Variants in ARHGAP15 observed in about 807,000 individuals in gnomAD.
ARHGAP15 encodes Rho GTPase activating protein 15, also known as rho GTPase-activating protein 15.
Under a neutral mutation model 63.7 loss-of-function variants are expected in ARHGAP15, and 51 were observed. The ratio of observed to expected loss-of-function variants is 0.80; its 90% CI spans 0.64 to 1.01. ARHGAP15 has a LOEUF of 1.01. Among genes scored for constraint, ARHGAP15 ranks in the 50% least tolerant of loss-of-function variants. ARHGAP15 has a pLI of 0.00. For missense variants in ARHGAP15, 560 were observed against 564.6 expected (o/e 0.99, Z 0.08); for synonymous variants, 191 against 193.8 (o/e 0.99, Z 0.12).
chr2:143,733,218 C>A (rs1241245642), intron 13 of ARHGAP15, among the ~76,000 whole-genome samples: 1 of 152,182 alleles, frequency 6.6e-6, no homozygotes, highest in South Asian at 2.1e-4. Context: ...GTCATTGTGC[C>A]CTCTGCTCCA....
At chr2:143,417,757 T>C (rs1297358363) in intron 6 of ARHGAP15, among the ~76,000 whole-genome samples, 1 of 152,254 alleles carries the variant, frequency 6.6e-6, no homozygotes, top group African/African-American at 2.4e-5. Context: ...CTCAAAGTTA[T>C]AGGCTTTCAT....
intron 5 of ARHGAP15, among the ~76,000 whole-genome samples, chr2:143,232,997 A>C (rs1202535797): frequency 6.6e-6 from 1 of 152,186 alleles, no homozygotes; most frequent in Non-Finnish European, 1.5e-5. Context: ...TTATCAACAA[A>C]TAAAGCTAGT....
chr2:143,588,431 T>A (rs1697194720), intron 11 of ARHGAP15, among the ~76,000 whole-genome samples: 1 of 152,126 alleles, frequency 6.6e-6, no homozygotes. Flanking sequence ...TAGGTATACA[T>A]GTGCCATGGT....
intron 8 of ARHGAP15, among the ~76,000 whole-genome samples, chr2:143,458,527 G>A (rs1256287370): frequency 1.3e-5 from 2 of 152,098 alleles, no homozygotes; most frequent in Admixed American, 6.6e-5. Context: ...CTGAAGGGCC[G>A]GTGATCATGG....
chr2:143,360,933 C>T (rs1006343474), intron 6 of ARHGAP15, among the ~76,000 whole-genome samples: 1 of 152,126 alleles, frequency 6.6e-6, no homozygotes, highest in African/African-American at 2.4e-5. Flanking sequence ...AATTGGAACA[C>T]ATTTTGGCCA....
At chr2:143,621,381 G>A (rs1008291577) in intron 11 of ARHGAP15, among the ~76,000 whole-genome samples, 2 of 94,966 alleles carry the variant, frequency 2.1e-5, no homozygotes, top group African/African-American at 5.9e-5. Flanking sequence ...TAGGGTTATG[G>A]TTAGTTCATC....
chr2:143,413,966 T>TGTGTGTGTGTGCGCGCGCGC lies in ARHGAP15; in HGVS notation c.475-21634_475-21633insTGTGTGTGTGCGCGCGCGCG. 6.2e-3 allele frequency among the ~76,000 whole-genome samples: 733 copies of TGTGTGTGTGTGCGCGCGCGC among 117,876 alleles called. 9 individuals carry two copies. The highest frequency in any genetic ancestry group is 0.02 in the African/African-American group (570 of 28,216). The allele number at this position is 117,876 out of a possible 152,430, so 77.3% of individuals were successfully genotyped here. On this transcript the variant is annotated intron_variant, in intron 6 of 13. Coordinates refer to ENST00000295095, the MANE Select transcript of ARHGAP15 (RefSeq NM_018460.4). ...GTGTGTGTGTGTGTGTGTGTGTGTGTGCGCGCTCTCTGGCAGAAAGTTAAT... is the reference window on the plus strand; with the variant it reads ...GTGTGTGTGTGTGTGTGTGTGTGTGTGTGTGTGTGTGCGCGCGCGCGCGCGCTCTCTGGCAGAAAGTTAAT...
chr2:143,594,412 C>A (rs535855680), intron 11 of ARHGAP15, among the ~76,000 whole-genome samples: 1 of 152,132 alleles, frequency 6.6e-6, no homozygotes, highest in African/African-American at 2.4e-5. Flanking sequence ...CAGCTTTCTC[C>A]GCCAGCTGCT....
In ARHGAP15 at chr2:143,320,351, G is replaced by A. The variant is rs547304612; in HGVS notation, c.474+69751G>A. Among the ~76,000 whole-genome samples the A allele has an allele frequency of 7.7e-5, 11 of 142,050 alleles. No individual in the cohort carries two copies. In the East Asian group the frequency reaches 8.9e-4, roughly 11 times the overall value. 93.2% of individuals were successfully genotyped at this position (142,050 alleles called of 152,430 possible). ...ACATAATGTCAGCCCTAAAATGGCC[G>A]CAATGGGAATATTCACAGTAGGGAA... On this transcript the variant is annotated intron_variant, in intron 6 of 13. Coordinates refer to ENST00000295095, the MANE Select transcript of ARHGAP15 (RefSeq NM_018460.4).
rs147844408 is a variant in ARHGAP15, at chr2:143,753,002, G to A, written c.1245-14987G>A. On this transcript the variant is annotated intron_variant, in intron 13 of 13. Coordinates refer to ENST00000295095, the MANE Select transcript of ARHGAP15 (RefSeq NM_018460.4). The stretch of plus-strand genomic sequence containing the variant: ...ACAAAAAAATTTTTTTTAATTAGCC[G>A]GGCATGGTGGCACACACCTGTAGTC... 4.5e-3 allele frequency among the ~76,000 whole-genome samples: 688 copies of A among 152,146 alleles called. 5 individuals carry two copies. Among genetic ancestry groups the A allele is most frequent in the Non-Finnish European group, 7.8e-3 (531 of 67,994 alleles).
At chr2:143,360,115 A>G (rs1009982660) in intron 6 of ARHGAP15, among the ~76,000 whole-genome samples, 4 of 152,102 alleles carry the variant, frequency 2.6e-5, no homozygotes, top group Admixed American at 2.0e-4. Context: ...CTGGTGGCTC[A>G]TGCCTGTAAT....
intron 6 of ARHGAP15, among the ~76,000 whole-genome samples, chr2:143,346,232 T>TCACACACACA (rs1221198422): frequency 4.4e-4 from 21 of 47,636 alleles, no homozygotes; most frequent in East Asian, 2.4e-3. Context: ...ACACACACTC[T>TCACACACACA]CTCTCACACA....
At chr2:143,622,020 T>TTGTG in intron 11 of ARHGAP15, among the ~76,000 whole-genome samples, 1 of 149,258 alleles carries the variant, frequency 6.7e-6, no homozygotes, top group Admixed American at 6.7e-5. Flanking sequence ...GTGTGTGTGT[T>TTGTG]TGTGTGTGTG....
At chr2:143,389,326 G>A (rs192202952) in intron 6 of ARHGAP15, among the ~76,000 whole-genome samples, 51 of 152,018 alleles carry the variant, frequency 3.4e-4, no homozygotes, top group African/African-American at 1.1e-3. Flanking sequence ...TGACTTGTAC[G>A]TCTGTTACAT....
chr2:143,520,853 G>T (rs1378788819), intron 10 of ARHGAP15, among the ~76,000 whole-genome samples: 1 of 152,156 alleles, frequency 6.6e-6, no homozygotes, highest in Non-Finnish European at 1.5e-5. Context: ...CACATAATAA[G>T]ATGTGTGCAT....
At chr2:143,737,961 C>T (rs546313097) in intron 13 of ARHGAP15, among the ~76,000 whole-genome samples, 1 of 151,968 alleles carries the variant, frequency 6.6e-6, no homozygotes, top group Non-Finnish European at 1.5e-5. Context: ...TTTCACCATG[C>T]CGGTCAGGTT....
At chr2:143,243,342 T>C (rs1049020302) in intron 5 of ARHGAP15, among the ~76,000 whole-genome samples, 8 of 152,146 alleles carry the variant, frequency 5.3e-5, no homozygotes, top group Non-Finnish European at 1.2e-4. Flanking sequence ...GCAAGAGACC[T>C]AGGGTCAATT....
intron 11 of ARHGAP15, among the ~76,000 whole-genome samples, chr2:143,592,144 T>G (rs1697346315): frequency 6.6e-6 from 1 of 152,222 alleles, no homozygotes; most frequent in Admixed American, 6.5e-5. Context: ...TATCCTCATT[T>G]GTTTATAAAC....
chr2:143,281,384 G>A (rs1391337926), intron 6 of ARHGAP15, among the ~76,000 whole-genome samples: 1 of 152,138 alleles, frequency 6.6e-6, no homozygotes, highest in Non-Finnish European at 1.5e-5. Flanking sequence ...GTGCTAAGGA[G>A]CATAGCAAGA....
Sources: gnomAD v4.1 joint callset for allele counts (sites outside exome capture counted in the v4.1 genomes callset) on GRCh38, gnomAD v4.1.1 for gene constraint, MANE v1.5 for transcripts, NCBI Gene and HGNC (gene_info 2026-07-23, HGNC 2026-07-21) for gene names.